The following PKIB variants were observed in gnomAD, a reference collection of about 807,000 sequenced individuals.
The protein encoded by PKIB is cAMP-dependent protein kinase inhibitor beta, also known as PKI-beta.
Under a neutral mutation model 4.5 loss-of-function variants are expected in PKIB, and 2 were observed. That is an observed-to-expected ratio of 0.44 (90% CI 0.18 to 1.39). PKIB has a LOEUF of 1.39. Ranked by LOEUF, PKIB falls within the 40% of genes most tolerant of loss-of-function variation. PKIB has a pLI of 0.27. For missense variants in PKIB, 94 were observed against 92.6 expected (o/e 1.02, Z -0.06); for synonymous variants, 38 against 36.0 (o/e 1.06, Z -0.20).
At chr6:122,487,967 C>T (rs1387044496) in intron 2 of PKIB, among the ~76,000 whole-genome samples, 2 of 152,050 alleles carry the variant, frequency 1.3e-5, no homozygotes, top group African/African-American at 4.8e-5. Context: ...GTGATATCTT[C>T]CAGGTTTCTC....
intron 3 of PKIB, among the ~76,000 whole-genome samples, chr6:122,596,606 C>G (rs1477211764): frequency 6.6e-6 from 1 of 152,144 alleles, no homozygotes; most frequent in Non-Finnish European, 1.5e-5. Flanking sequence ...CAGTTTCTAC[C>G]AAAGCCCAGT....
intron 2 of PKIB, among the ~76,000 whole-genome samples, chr6:122,533,601 T>A (rs2114621660): frequency 1.3e-5 from 2 of 152,348 alleles, no homozygotes; most frequent in East Asian, 3.9e-4. Flanking sequence ...CTTCATGTAC[T>A]GTTTTATTTG....
intron 2 of PKIB, among the ~76,000 whole-genome samples, chr6:122,661,337 G>T (rs1562290239): frequency 6.6e-6 from 1 of 152,052 alleles, no homozygotes; most frequent in Non-Finnish European, 1.5e-5. Flanking sequence ...ATAAACATTA[G>T]TTGTGACTCC....
At chr6:122,484,752 A>G (rs1775715081) in intron 2 of PKIB, among the ~76,000 whole-genome samples, 2 of 152,244 alleles carry the variant, frequency 1.3e-5, no homozygotes, top group South Asian at 4.1e-4. Flanking sequence ...GTGGATCATC[A>G]TTTAGGAAAA....
chr6:122,596,940 T>C (rs1220245702), intron 3 of PKIB, among the ~76,000 whole-genome samples: 3 of 152,212 alleles, frequency 2.0e-5, no homozygotes, highest in African/African-American at 7.2e-5. Flanking sequence ...AAATGAGGAA[T>C]GTGTTACTTT....
At chr6:122,716,701 T>C (rs1779512478) in intron 3 of PKIB, among the ~76,000 whole-genome samples, 1 of 152,206 alleles carries the variant, frequency 6.6e-6, no homozygotes, top group South Asian at 2.1e-4. Flanking sequence ...TTTCCTGAAT[T>C]GAAGTTACTC....
intron 3 of PKIB, among the ~76,000 whole-genome samples, chr6:122,677,939 G>A (rs1191952228): frequency 6.8e-5 from 10 of 146,874 alleles, no homozygotes; most frequent in Non-Finnish European, 8.9e-5. Context: ...ATGGAGTCTC[G>A]CTCTGTCGCC....
intron 3 of PKIB, among the ~76,000 whole-genome samples, chr6:122,594,581 C>A (rs1240683455): frequency 6.6e-6 from 1 of 152,234 alleles, no homozygotes; most frequent in Non-Finnish European, 1.5e-5. Context: ...ATGACAATTA[C>A]AGTTCTCGTT....
At chr6:122,663,328 A>G (rs895467677) in intron 2 of PKIB, among the ~76,000 whole-genome samples, 18 of 152,202 alleles carry the variant, frequency 1.2e-4, no homozygotes, top group African/African-American at 4.1e-4. Flanking sequence ...TGTAACCTGA[A>G]AGAAGAGCCT....
chr6:122,504,016 CAG>C (rs1435633330), intron 2 of PKIB, among the ~76,000 whole-genome samples: 1 of 152,174 alleles, frequency 6.6e-6, no homozygotes, highest in Non-Finnish European at 1.5e-5. Context: ...GGATTAAAAA[CAG>C]ATAACAATAC....
intron 2 of PKIB, among the ~76,000 whole-genome samples, chr6:122,492,367 C>T (rs1775962170): frequency 1.3e-5 from 2 of 152,066 alleles, no homozygotes; most frequent in Non-Finnish European, 2.9e-5. Flanking sequence ...TCTTAGGGAA[C>T]GTGTGCCTTT....
chr6:122,527,169 G>C (rs1473947733), intron 2 of PKIB, among the ~76,000 whole-genome samples: 1 of 152,070 alleles, frequency 6.6e-6, no homozygotes. Context: ...TCTTGCTCTT[G>C]ATTAGCTTTG....
chr6:122,630,510 G>C (rs1307646424), intron 1 of PKIB, among the ~76,000 whole-genome samples: 1 of 152,024 alleles, frequency 6.6e-6, no homozygotes, highest in Non-Finnish European at 1.5e-5. Context: ...GTAAAATGAT[G>C]GTTGTCAGGG....
intron 2 of PKIB, among the ~76,000 whole-genome samples, chr6:122,634,929 G>A (rs1211335088): frequency 1.7e-4 from 25 of 150,318 alleles, no homozygotes; most frequent in African/African-American, 6.1e-4. Flanking sequence ...GTGACAGAGC[G>A]AGACTCCATC....
intron 2 of PKIB, among the ~76,000 whole-genome samples, chr6:122,536,924 A>G (rs1777422441): frequency 6.7e-6 from 1 of 150,166 alleles, no homozygotes; most frequent in African/African-American, 2.4e-5. Context: ...TTAACCAACG[A>G]ACCTCAAATT....
At chr6:122,512,771 A>G (rs1776626174) in intron 2 of PKIB, among the ~76,000 whole-genome samples, 1 of 152,222 alleles carries the variant, frequency 6.6e-6, no homozygotes, top group Admixed American at 6.5e-5. Flanking sequence ...TGAAAGACCA[A>G]GACAGCTATG....
intron 4 of PKIB, among the ~76,000 whole-genome samples, chr6:122,723,836 C>T (rs781027859): frequency 1.3e-5 from 2 of 152,148 alleles, no homozygotes; most frequent in Non-Finnish European, 2.9e-5. Context: ...CTATTTTCCA[C>T]TCCTGTTTTA....
chr6:122,472,997 A>G (rs1348964657), intron 1 of PKIB, among the ~76,000 whole-genome samples: 1 of 152,152 alleles, frequency 6.6e-6, no homozygotes, highest in African/African-American at 2.4e-5. Flanking sequence ...ATGTAATCCC[A>G]GCTACTCGGG....
intron 3 of PKIB, among the ~76,000 whole-genome samples, chr6:122,683,985 T>C (rs2114981072): frequency 6.6e-6 from 1 of 152,268 alleles, no homozygotes; most frequent in East Asian, 1.9e-4. Context: ...CAATAGGTGA[T>C]TGGAAAAAGA....
Sources: allele counts gnomAD v4.1 joint callset (sites outside exome capture counted in the v4.1 genomes callset), GRCh38; gene constraint gnomAD v4.1.1; transcripts MANE v1.5; gene names NCBI Gene and HGNC (gene_info 2026-07-23, HGNC 2026-07-21).